SYT16: variants seen among roughly 807,000 people sequenced by gnomAD.
The protein encoded by SYT16 is synaptotagmin 16, also known as synaptotagmin-16.
Under a neutral mutation model 61.4 loss-of-function variants are expected in SYT16, and 42 were observed. The observed-to-expected ratio is 0.68, with a 90% CI of 0.53 to 0.89. The LOEUF is 0.89. SYT16 is among the 40% of genes least tolerant of loss of function. The probability of loss-of-function intolerance (pLI) is 0.00; values close to 1 mark genes in which losing one functional copy is unlikely to be tolerated. For synonymous variants in SYT16, 314 were observed against 302.3 expected, an observed-to-expected ratio of 1.04 and a Z score of -0.40; for missense variants, 804 against 807.3, an observed-to-expected ratio of 1.00 and a Z score of 0.05.
chr14:61,836,909 A>G (rs1249591568), intron 1 of SYT16, among the ~76,000 whole-genome samples: 1 of 152,148 alleles, frequency 6.6e-6, no homozygotes, highest in Non-Finnish European at 1.5e-5. Flanking sequence ...GATTTCATGC[A>G]AATTTTCTGA....
chr14:62,004,753 G>A (rs1363600416), intron 3 of SYT16, among the ~76,000 whole-genome samples: 2 of 152,188 alleles, frequency 1.3e-5, no homozygotes, highest in Admixed American at 6.5e-5. Flanking sequence ...GGCAGAAGAC[G>A]AGGTTCCCCT....
intron 7 of SYT16, among the ~76,000 whole-genome samples, chr14:62,094,318 G>C (rs1468157870): frequency 6.6e-6 from 1 of 152,076 alleles, no homozygotes; most frequent in Non-Finnish European, 1.5e-5. Context: ...CTGAATTTCT[G>C]TATTTTCTCT....
intron 1 of SYT16, among the ~76,000 whole-genome samples, chr14:61,814,299 A>T (rs1461997464): frequency 6.6e-6 from 1 of 152,174 alleles, no homozygotes; most frequent in Non-Finnish European, 1.5e-5. Context: ...TAGAAAAAAA[A>T]TTATGGTTGA....
chr14:61,900,801 T>TGTA (rs774824867), intron 1 of SYT16, among the ~76,000 whole-genome samples: 1 of 152,192 alleles, frequency 6.6e-6, no homozygotes, highest in Non-Finnish European at 1.5e-5. Flanking sequence ...GCTTGGACTA[T>TGTA]GTACCCACCA....
intron 1 of SYT16, among the ~76,000 whole-genome samples, chr14:61,933,086 T>C (rs1413124493): frequency 6.6e-6 from 1 of 152,200 alleles, no homozygotes; most frequent in Non-Finnish European, 1.5e-5. Flanking sequence ...CTAGTTGCCA[T>C]GGAAACGCAA....
chr14:62,011,942 T>TATATATATATATATATATA (rs1555370094), intron 3 of SYT16, among the ~76,000 whole-genome samples: 14 of 144,584 alleles, frequency 9.7e-5, no homozygotes, highest in African/African-American at 3.1e-4. Context: ...TATATATATA[T>TATATATATATATATATATA]TTGATGCTGT....
At chr14:62,011,880 C>T (rs1405110027) in intron 3 of SYT16, among the ~76,000 whole-genome samples, 1 of 125,018 alleles carries the variant, frequency 8.0e-6, no homozygotes, top group Admixed American at 8.6e-5. Flanking sequence ...TATATACACA[C>T]ACACACACAC....
intron 1 of SYT16, among the ~76,000 whole-genome samples, chr14:61,837,730 T>C (rs2046176295): frequency 6.6e-6 from 1 of 152,234 alleles, no homozygotes; most frequent in Non-Finnish European, 1.5e-5. Flanking sequence ...TCTCTGTGCA[T>C]TCCAGAACAG....
chr14:61,879,410 C>T (rs1355793960), intron 1 of SYT16, among the ~76,000 whole-genome samples: 1 of 152,160 alleles, frequency 6.6e-6, no homozygotes, highest in Non-Finnish European at 1.5e-5. Flanking sequence ...ATAGTAAGAT[C>T]TCAATAAACA....
chr14:61,837,233 A>AT (rs1237212390), intron 1 of SYT16, among the ~76,000 whole-genome samples: 13,934 of 122,762 alleles, frequency 0.11, 916 homozygotes, highest in Non-Finnish European at 0.13. Flanking sequence ...GCAGAGGCTG[A>AT]TTTTTTTTTT....
chr14:61,927,061 G>A (rs2049568402), intron 1 of SYT16, among the ~76,000 whole-genome samples: 1 of 152,166 alleles, frequency 6.6e-6, no homozygotes, highest in Non-Finnish European at 1.5e-5. Context: ...AGCAACAGTG[G>A]TCCTTCATCC....
intron 1 of SYT16, among the ~76,000 whole-genome samples, chr14:61,921,898 G>A (rs2049346977): frequency 6.6e-6 from 1 of 152,194 alleles, no homozygotes; most frequent in South Asian, 2.1e-4. Flanking sequence ...GACAGACCTG[G>A]TTTCAAGTCT....
At chr14:61,881,561 A>G (rs72716795) in intron 1 of SYT16, among the ~76,000 whole-genome samples, 11 of 152,214 alleles carry the variant, frequency 7.2e-5, no homozygotes, top group South Asian at 4.2e-4. Flanking sequence ...CATGGCTTCA[A>G]TTTTTTGCAT....
intron 2 of SYT16, among the ~76,000 whole-genome samples, chr14:61,979,824 G>A (rs2051990452): frequency 6.6e-6 from 1 of 152,184 alleles, no homozygotes; most frequent in South Asian, 2.1e-4. Flanking sequence ...AGAGGTTGCA[G>A]TGAGTCGAGA....
chr14:62,080,711 A>G (rs2056676706), intron 5 of SYT16, 123 bp from the exon 6 acceptor site: 1 of 949,994 alleles, frequency 1.1e-6, no homozygotes, highest in African/African-American at 1.6e-5. Context: ...TATCTGATAT[A>G]GAGGGAATAC....
At chr14:62,076,709 T>C (rs1379468861) in intron 5 of SYT16, among the ~76,000 whole-genome samples, 3 of 152,230 alleles carry the variant, frequency 2.0e-5, no homozygotes, top group Admixed American at 2.0e-4. Flanking sequence ...GTTAGTTTAC[T>C]ACCAAGCCGT....
rs1156777673 is a variant in SYT16 at position 62,108,281 on chromosome 14, G to A, written c.*7574G>A. On this transcript the variant is annotated 3_prime_UTR_variant, in exon 8 of 8. Coordinates refer to ENST00000683842, the MANE Select transcript of SYT16 (RefSeq NM_001367656.1). ...CCACGCAAATTAACTCAAAATCTTT[G>A]GTGGCCTGAAAATTCTGACTGAAAG... The A allele has an allele frequency of 6.6e-6, 1 of 152,058 alleles. No homozygotes were observed. Among genetic ancestry groups the A allele is most frequent in the Non-Finnish European group, 1.5e-5 (1 of 68,002 alleles). The allele number at this position is 152,058 out of a possible 1,614,324, so 9.4% of individuals were successfully genotyped here.
At chr14:61,839,785 T>A (rs888777022) in intron 1 of SYT16, among the ~76,000 whole-genome samples, 5 of 152,262 alleles carry the variant, frequency 3.3e-5, no homozygotes, top group Admixed American at 3.3e-4. Context: ...TATATTCCCA[T>A]GCGCTTACTT....
At chr14:61,934,842 T>A (rs958175228) in intron 1 of SYT16, among the ~76,000 whole-genome samples, 2 of 152,214 alleles carry the variant, frequency 1.3e-5, no homozygotes, top group Non-Finnish European at 2.9e-5. Context: ...TTGTAACCCA[T>A]AGTGAAAACA....
Sources: gnomAD v4.1 joint callset for allele counts (sites outside exome capture counted in the v4.1 genomes callset) on GRCh38, gnomAD v4.1.1 for gene constraint, MANE v1.5 for transcripts, NCBI Gene and HGNC (gene_info 2026-07-23, HGNC 2026-07-21) for gene names.